Variants in SEMA3D observed in about 807,000 individuals in gnomAD.
SEMA3D encodes the protein semaphorin-3D.
In SEMA3D, 84 loss-of-function variants were observed where a neutral mutation model predicts 100.1. That is an observed-to-expected ratio of 0.84 (90% CI 0.70 to 1.01). The LOEUF (loss-of-function observed/expected upper bound fraction) is 1.01, where lower values mean the gene tolerates loss of function less well. Among genes scored for constraint, SEMA3D ranks in the 50% least tolerant of loss-of-function variants. The pLI is 0.00. For missense variants in SEMA3D, 875 were observed against 934.1 expected (o/e 0.94, Z 0.82); for synonymous variants, 312 against 320.7 (o/e 0.97, Z 0.29).
intron 6 of SEMA3D, 142 bp downstream of exon 6, chr7:85,072,820 A>G (rs1791812014): frequency 1.6e-6 from 1 of 633,484 alleles, no homozygotes; most frequent in Non-Finnish European, 2.6e-6. Context: ...CCTCCTGAGT[A>G]TTGGCATTAC....
the SEMA3D span, among the ~76,000 whole-genome samples, chr7:85,235,480 T>C: frequency 6.6e-6 from 1 of 152,156 alleles, no homozygotes; most frequent in African/African-American, 2.4e-5. Flanking sequence ...CTAAGTCTTA[T>C]CAACTGAATT....
At chr7:85,202,161 A>C in the SEMA3D span, among the ~76,000 whole-genome samples, 2 of 146,418 alleles carry the variant, frequency 1.4e-5, no homozygotes, top group Admixed American at 6.8e-5. Flanking sequence ...GCACCCACTA[A>C]CTCGTCATCT....
At chr7:85,005,038 G>C (rs961268414) in intron 18 of SEMA3D, among the ~76,000 whole-genome samples, 2 of 151,834 alleles carry the variant, frequency 1.3e-5, no homozygotes, top group African/African-American at 4.8e-5. Flanking sequence ...TAAGTATCTA[G>C]AGCTGAGAGC....
chr7:85,019,782 A>C (rs1006601961), intron 14 of SEMA3D, among the ~76,000 whole-genome samples: 2 of 151,654 alleles, frequency 1.3e-5, no homozygotes, highest in African/African-American at 4.8e-5. Context: ...TTTAGCATAC[A>C]TGAAGACTTA....
chr7:85,189,462 A>G (rs1791645616), upstream of SEMA3D, among the ~76,000 whole-genome samples: 1 of 152,162 alleles, frequency 6.6e-6, no homozygotes, highest in Non-Finnish European at 1.5e-5. Flanking sequence ...CTTAAAATAA[A>G]ACCCAGTGGG....
chr7:85,143,459 A>ATGGG (rs1790112428), intron 2 of SEMA3D: 1 of 152,410 alleles, frequency 6.6e-6, no homozygotes, highest in Non-Finnish European at 1.5e-5. Context: ...GCTCCCAGGC[A>ATGGG]ACAAATCTGT....
intron 4 of SEMA3D, among the ~76,000 whole-genome samples, chr7:85,086,964 T>C (rs138646598): frequency 9.8e-4 from 149 of 152,268 alleles, no homozygotes; most frequent in African/African-American, 3.3e-3. Flanking sequence ...GCCCTCAGGA[T>C]CAATAGTTAA....
At chr7:85,100,526 C>T (rs1343138897) in intron 3 of SEMA3D, among the ~76,000 whole-genome samples, 1 of 151,772 alleles carries the variant, frequency 6.6e-6, no homozygotes. Flanking sequence ...TGCTATCTGA[C>T]TTTTAACCAA....
chr7:85,111,821 T>C (rs1789105251), intron 3 of SEMA3D, among the ~76,000 whole-genome samples: 1 of 152,100 alleles, frequency 6.6e-6, no homozygotes, highest in African/African-American at 2.4e-5. Context: ...CCCATCCCAC[T>C]ATTTGTTTAG....
rs1365024584 is a variant in SEMA3D at position 85,153,585 on chromosome 7, GTTTA to G, written c.-41+19_-41+22del. ...TCTATCTATCTATCTATCTATTGAG[GTTTA>G]TTTAAGAGATTGGCTCACATAATTA... On this transcript the variant is annotated intron_variant, in intron 2 of 18. Transcript: ENST00000284136. The G allele has an allele frequency of 1.3e-5, 2 of 149,078 alleles. No individual in the cohort carries two copies. The highest frequency in any genetic ancestry group is 4.0e-4 in the East Asian group (2 of 5,048). The allele number at this position is 149,078 out of a possible 1,614,324, so 9.2% of individuals were successfully genotyped here. A position where few individuals can be genotyped will look rare whatever the true frequency, so the allele number is the denominator to read the frequency against.
chr7:85,099,714 T>G (rs1475122253), intron 3 of SEMA3D, among the ~76,000 whole-genome samples: 1 of 151,966 alleles, frequency 6.6e-6, no homozygotes. Context: ...TTTTCGATTT[T>G]GGCCATTCCA....
intron 11 of SEMA3D, among the ~76,000 whole-genome samples, chr7:85,037,418 C>T (rs1416299455): frequency 1.3e-5 from 2 of 152,052 alleles, no homozygotes; most frequent in African/African-American, 4.8e-5. Context: ...TTTACATGTT[C>T]TTCCATTTTA....
intron 2 of SEMA3D, chr7:85,140,070 A>G (rs1790000165): frequency 2.4e-6 from 1 of 424,812 alleles, no homozygotes; most frequent in Non-Finnish European, 3.1e-6. Context: ...ACTATTAATT[A>G]CATTAATATA....
chr7:85,121,544 G>A (rs141351082), intron 3 of SEMA3D, among the ~76,000 whole-genome samples, 197 bp downstream of exon 3: 72 of 152,236 alleles, frequency 4.7e-4, no homozygotes, highest in Non-Finnish European at 9.3e-4. Flanking sequence ...GCTGAAAAGG[G>A]TACTTGAATA....
At chr7:85,032,856 T>C (rs2115925548) in intron 12 of SEMA3D, among the ~76,000 whole-genome samples, 1 of 151,888 alleles carries the variant, frequency 6.6e-6, no homozygotes, top group Admixed American at 6.6e-5. Flanking sequence ...TGAAAGAGAG[T>C]TTTCTTGGTG....
At chr7:85,074,638 T>TA (rs574180314) in intron 5 of SEMA3D, among the ~76,000 whole-genome samples, 2,428 of 129,530 alleles carry the variant, frequency 0.019, 21 homozygotes, top group Middle Eastern at 0.04. Context: ...TATATATATA[T>TA]TTTTTTTTTT....
chr7:85,001,859 G>A lies in SEMA3D; in HGVS notation c.1909-1994C>T, dbSNP rs572890189. On this transcript the variant is annotated intron_variant, in intron 18 of 18. Coordinates refer to ENST00000284136, the MANE Select transcript of SEMA3D (RefSeq NM_001384900.1). Reference sequence around the variant, plus strand: ...AATAGAAAATGGCCTGAGGTTATTAGCATGACAATCAAAGTGGATATCTCC... The same window carrying A: ...AATAGAAAATGGCCTGAGGTTATTAACATGACAATCAAAGTGGATATCTCC... Among the ~76,000 whole-genome samples the A allele has an allele frequency of 1.5e-3, 227 of 152,228 alleles. 1 individual carries two copies. Among genetic ancestry groups the A allele is most frequent in the Non-Finnish European group, 2.8e-3 (188 of 68,016 alleles).
In SEMA3D at chr7:85,040,656, C is replaced by T. The variant is rs1246347869; in HGVS notation, c.1046+17G>A. The T allele has an allele frequency of 1.6e-6, 2 of 1,277,662 alleles. No individual in the cohort carries two copies. Among genetic ancestry groups the T allele is most frequent in the East Asian group, 4.7e-5 (2 of 42,874 alleles). 79.1% of individuals were successfully genotyped at this position (1,277,662 alleles called of 1,614,324 possible). Reference sequence around the variant, plus strand: ...ATACAATTCTCTGAAGCATTAAAAGCATTTTGTTGAACATACCTGGTTGTA... The same window carrying T: ...ATACAATTCTCTGAAGCATTAAAAGTATTTTGTTGAACATACCTGGTTGTA... On this transcript the variant is annotated intron_variant, in intron 11 of 18. Transcript: ENST00000284136.
intron 9 of SEMA3D, among the ~76,000 whole-genome samples, chr7:85,044,645 T>A (rs2116009083): frequency 6.6e-6 from 1 of 152,196 alleles, no homozygotes; most frequent in Non-Finnish European, 1.5e-5. Context: ...GAACTTACTC[T>A]TGGAACATGT....
Sources: gnomAD v4.1 joint callset for allele counts (sites outside exome capture counted in the v4.1 genomes callset) on GRCh38, gnomAD v4.1.1 for gene constraint, MANE v1.5 for transcripts, NCBI Gene and HGNC (gene_info 2026-07-23, HGNC 2026-07-21) for gene names.